Variants in CA6 observed in about 807,000 individuals in gnomAD.
The protein encoded by CA6 is carbonate dehydratase VI.
A neutral mutation model predicts 35.9 loss-of-function variants in CA6; 28 were observed. The ratio of observed to expected loss-of-function variants is 0.78; its 90% CI spans 0.58 to 1.07. The LOEUF is 1.07. CA6 is among the 50% of genes least tolerant of loss of function. The pLI, the probability that CA6 is intolerant of heterozygous loss-of-function variation, is 0.00. For missense variants in CA6, 377 were observed against 382.0 expected (o/e 0.99, Z 0.11); for synonymous variants, 148 against 152.6 (o/e 0.97, Z 0.22).
At chr1:8,964,705 G>C (rs1639926733) in intron 5 of CA6, among the ~76,000 whole-genome samples, 1 of 152,136 alleles carries the variant, frequency 6.6e-6, no homozygotes, top group Non-Finnish European at 1.5e-5. Context: ...AAAGGTCATA[G>C]AATAGTCCTG....
chr1:8,957,264 C>T lies in CA6; in HGVS notation c.387C>T (p.Asp129=), dbSNP rs146159351. 5.1e-5 allele frequency: 83 copies of T among 1,613,322 alleles called. No individual in the cohort carries two copies. In the Middle Eastern group the frequency reaches 2.3e-3, roughly 45 times the overall value. Residue 129 remains aspartate, a synonymous_variant, in exon 3 of 8, where the codon GAC becomes GAT. Transcript: ENST00000377443. ...SEISGSEHTV[D]GIRHVIEIHI... is the part of the protein sequence containing the mutation. Reference sequence around the variant, plus strand: ...TCAGCGGCTCTGAGCACACCGTGGACGGGATCAGACATGTGATCGAGGTAC... The same window carrying T: ...TCAGCGGCTCTGAGCACACCGTGGATGGGATCAGACATGTGATCGAGGTAC...
chr1:8,964,230 C>A (rs997398940), intron 5 of CA6, among the ~76,000 whole-genome samples: 1 of 152,122 alleles, frequency 6.6e-6, no homozygotes, highest in African/African-American at 2.4e-5. Flanking sequence ...TCTTCTGCAT[C>A]GTTGATTTCT....
At position 8,960,789 on chromosome 1, in the gene CA6, C is replaced by CACACACACACATATATAT. The variant is rs59987426; in HGVS notation, c.501+1788_501+1789insCACACACACATATATATA. On this transcript the variant is annotated intron_variant, in intron 4 of 7. Transcript: ENST00000377443. ...ACACACACACACACACACACACACACATATATATAATGGGAGTCCCAGAAG... is the reference window on the plus strand; with the variant it reads ...ACACACACACACACACACACACACACACACACACACATATATATATATATATAATGGGAGTCCCAGAAG... Among the ~76,000 whole-genome samples the CACACACACACATATATAT allele has an allele frequency of 8.6e-3, 1,005 of 116,584 alleles. 28 individuals are homozygous for CACACACACACATATATAT. Among genetic ancestry groups the CACACACACACATATATAT allele is most frequent in the African/African-American group, 0.031 (919 of 29,688 alleles). The allele number at this position is 116,584 out of a possible 152,430, so 76.5% of individuals were successfully genotyped here.
intron 2 of CA6, among the ~76,000 whole-genome samples, chr1:8,955,897 T>C (rs1414580923): frequency 5.3e-5 from 8 of 152,170 alleles, no homozygotes; most frequent in Admixed American, 3.3e-4. Context: ...TAAGAAAATG[T>C]TCTTGTTTAC....
intron 5 of CA6, among the ~76,000 whole-genome samples, chr1:8,965,233 A>C (rs12748400): frequency 4.0e-5 from 6 of 151,870 alleles, no homozygotes; most frequent in Admixed American, 6.6e-5. Flanking sequence ...GACAGAGCGC[A>C]ACAACATCTC....
intron 1 of CA6, among the ~76,000 whole-genome samples, chr1:8,948,088 T>A (rs899412580): frequency 1.3e-5 from 2 of 152,028 alleles, no homozygotes; most frequent in African/African-American, 4.8e-5. Context: ...CCTTAGGTGA[T>A]CCACCCGCCT....
At chr1:8,949,177 C>G (rs1639450967) in intron 1 of CA6, 86 bp from the exon 2 acceptor site, 1 of 1,086,732 alleles carries the variant, frequency 9.2e-7, no homozygotes, top group African/African-American at 1.7e-5. Context: ...CCCAGCAGGC[C>G]CTGGCCTCTG....
In CA6 at chr1:8,967,794, T is replaced by C; in HGVS notation, c.707T>C (p.Phe236Ser). The C allele has an allele frequency of 6.2e-7, 1 of 1,614,090 alleles. No homozygotes were observed. The highest frequency in any genetic ancestry group is 1.1e-5 in the South Asian group (1 of 91,070). The change falls in exon 6 of 8, where the codon TTT becomes TCT. Residue 236 changes from phenylalanine to serine, a missense_variant. Phe to Ser is a radical substitution (Grantham distance 155, BLOSUM62 -2). Transcript: ENST00000377443. The stretch of plus-strand genomic sequence containing the variant: ...GTCCACTGGTTTGTGCTGGCAGATT[T>C]TGTCAAGCTCTCCAGGACACAGGTA... ...ENVHWFVLAD[F>S]VKLSRTQVWK...
intron 2 of CA6, chr1:8,951,597 G>A (rs771882362): frequency 3.9e-6 from 3 of 765,182 alleles, no homozygotes; most frequent in Admixed American, 3.4e-5. Flanking sequence ...CGTGCTGAGG[G>A]CCCAGAAGAG....
intron 7 of CA6, 44 bp from the exon 8 acceptor site, chr1:8,974,578 C>G (rs762467917): frequency 1.5e-4 from 226 of 1,471,676 alleles, no homozygotes; most frequent in Non-Finnish European, 2.0e-4. Flanking sequence ...TTTGTGAGGA[C>G]TGTACAAGGT....
intron 2 of CA6, among the ~76,000 whole-genome samples, chr1:8,955,234 G>C (rs1639643001): frequency 6.6e-6 from 1 of 152,148 alleles, no homozygotes; most frequent in Admixed American, 6.5e-5. Flanking sequence ...AAATTAGCTG[G>C]ACATGGTGGT....
chr1:8,967,103 G>A (rs1166812241), intron 5 of CA6, among the ~76,000 whole-genome samples: 7 of 152,100 alleles, frequency 4.6e-5, no homozygotes, highest in East Asian at 1.9e-4. Flanking sequence ...GATTACAAGC[G>A]TGAGCCACTG....
chr1:8,965,359 T>G (rs916797797), intron 5 of CA6, among the ~76,000 whole-genome samples: 5 of 152,210 alleles, frequency 3.3e-5, no homozygotes, highest in African/African-American at 1.2e-4. Flanking sequence ...TGCCGGAACT[T>G]TTTTTCGTCT....
At chr1:8,951,959 A>G (rs1003986410) in intron 2 of CA6, 2 of 169,642 alleles carry the variant, frequency 1.2e-5, no homozygotes, top group African/African-American at 4.8e-5. Flanking sequence ...ACCTGGGACT[A>G]CAGGCATGTG....
intron 7 of CA6, among the ~76,000 whole-genome samples, chr1:8,973,889 C>T (rs950947704): frequency 6.6e-6 from 1 of 151,408 alleles, no homozygotes; most frequent in African/African-American, 2.4e-5. Context: ...TGCAATGGCG[C>T]AATCTTGGCT....
chr1:8,950,082 C>G (rs569959716), intron 2 of CA6, among the ~76,000 whole-genome samples: 1 of 152,022 alleles, frequency 6.6e-6, no homozygotes, highest in African/African-American at 2.4e-5. Context: ...TGGGTTCAAG[C>G]GATTCTCCTG....
rs567762945 is a variant in CA6, at chr1:8,962,695, ATGAGTG to A, written c.571+56_571+61del. ...ACTGTGGCTGCAGGAGGGAAGGGGAATGAGTGTGAGTGTGAGTGTGAGGTGGGCCCA... is the reference window on the plus strand; with the variant it reads ...ACTGTGGCTGCAGGAGGGAAGGGGAATGAGTGTGAGTGTGAGGTGGGCCCA... On this transcript the variant is annotated intron_variant, in intron 5 of 7. Coordinates refer to ENST00000377443, the MANE Select transcript of CA6 (RefSeq NM_001215.4). The A allele has an allele frequency of 3.4e-4, 526 of 1,558,326 alleles. No homozygotes were observed. The African/African-American group carries it at 6.3e-3, about 19-fold the overall frequency.
chr1:8,955,034 C>T (rs1639637247), intron 2 of CA6, among the ~76,000 whole-genome samples: 1 of 61,842 alleles, frequency 1.6e-5, no homozygotes, highest in African/African-American at 4.5e-5. Context: ...AGTTGGTGGG[C>T]CGGCACTGAT....
chr1:8,947,636 C>G (rs1639403271), intron 1 of CA6, among the ~76,000 whole-genome samples: 1 of 152,072 alleles, frequency 6.6e-6, no homozygotes, highest in Admixed American at 6.6e-5. Flanking sequence ...CAGGCTCTGC[C>G]CAGCCTCTGA....
Sources: allele counts gnomAD v4.1 joint callset (sites outside exome capture counted in the v4.1 genomes callset), GRCh38; gene constraint gnomAD v4.1.1; transcripts MANE v1.5; gene names NCBI Gene and HGNC (gene_info 2026-07-23, HGNC 2026-07-21).